The following DMD variants were observed in gnomAD, a reference collection of about 807,000 sequenced individuals.
DMD encodes the protein dystrophin, also known as mutant dystrophin.
A neutral mutation model predicts 330.1 loss-of-function variants in DMD; 63 were observed. The ratio of observed to expected loss-of-function variants is 0.19; its 90% CI spans 0.16 to 0.24. The LOEUF is 0.24. Ranked by LOEUF, DMD falls within the 10% of genes least tolerant of loss-of-function variation. The pLI is 1.00. For missense variants in DMD, 3,344 were observed against 2,684.1 expected, an observed-to-expected ratio of 1.25 and a Z score of -5.43; for synonymous variants, 1,223 against 959.8, an observed-to-expected ratio of 1.27 and a Z score of -5.07.
intron 77 of DMD, among the ~76,000 whole-genome samples, chrX:31,129,719 C>T (rs1303253914): frequency 2.7e-5 from 3 of 111,842 alleles, no homozygotes; most frequent in Non-Finnish European, 5.6e-5. Flanking sequence ...GTTTGCTAGT[C>T]CTGGATTAAA....
intron 47 of DMD, 149 bp from the exon 48 acceptor site, chrX:31,875,522 A>G: frequency 2.1e-6 from 1 of 477,640 alleles, no homozygotes; most frequent in South Asian, 3.7e-5. Flanking sequence ...TTGATTATTT[A>G]CATATATTAC....
intron 37 of DMD, among the ~76,000 whole-genome samples, chrX:32,352,735 G>A (rs2097786047): frequency 9.0e-6 from 1 of 111,031 alleles, no homozygotes; most frequent in South Asian, 3.7e-4. Flanking sequence ...CTTGCATTAT[G>A]TGTTCTGAGT....
chrX:32,628,244 G>A (rs2058483312), intron 11 of DMD, among the ~76,000 whole-genome samples: 1 of 58,117 alleles, frequency 1.7e-5, no homozygotes, highest in African/African-American at 7.0e-5. Context: ...ATCTCCATGA[G>A]TTCAGTTGTT....
At chrX:32,625,183 A>T (rs1223716220) in intron 11 of DMD, among the ~76,000 whole-genome samples, 2 of 111,557 alleles carry the variant, frequency 1.8e-5, no homozygotes, top group Non-Finnish European at 3.8e-5. Context: ...AAAACAAAAA[A>T]GAAAGAATGT....
At chrX:32,467,550 T>A (rs766131737) in intron 23 of DMD, among the ~76,000 whole-genome samples, 5 of 109,746 alleles carry the variant, frequency 4.6e-5, no homozygotes, top group Non-Finnish European at 7.6e-5. Flanking sequence ...AACATTAATA[T>A]ACATATACAA....
chrX:31,230,364 G>C (rs141706729), intron 63 of DMD, among the ~76,000 whole-genome samples: 1 of 111,838 alleles, frequency 8.9e-6, no homozygotes, highest in East Asian at 2.8e-4. Context: ...AAATGAAGGA[G>C]AGGGCCAGGT....
intron 62 of DMD, among the ~76,000 whole-genome samples, chrX:31,270,113 T>C (rs192459262): frequency 9.0e-6 from 1 of 111,514 alleles, no homozygotes; most frequent in African/African-American, 3.3e-5. Context: ...AGTCCTTTCC[T>C]ACAGCAATAG....
chrX:32,599,866 A>G (rs1013045404), intron 12 of DMD, among the ~76,000 whole-genome samples: 3 of 111,981 alleles, frequency 2.7e-5, no homozygotes, highest in African/African-American at 9.7e-5. Flanking sequence ...CCATTATTAG[A>G]TACAAATGTT....
chrX:31,134,797 A>G (rs983076361), intron 76 of DMD, among the ~76,000 whole-genome samples: 10 of 112,533 alleles, frequency 8.9e-5, no homozygotes, highest in Non-Finnish European at 1.7e-4. Flanking sequence ...ACATGAGATA[A>G]TGAATACTCT....
chrX:32,500,666 A>G (rs1414235408), intron 19 of DMD, among the ~76,000 whole-genome samples: 1 of 112,027 alleles, frequency 8.9e-6, no homozygotes, highest in East Asian at 2.8e-4. Context: ...ATTACCAAGC[A>G]ACATACATCT....
chrX:33,075,216 C>T (rs892251149), intron 1 of DMD, among the ~76,000 whole-genome samples: 5 of 111,602 alleles, frequency 4.5e-5, no homozygotes, highest in Non-Finnish European at 7.5e-5. Context: ...CTCCTGTGGC[C>T]CCGCCCAGAA....
At chrX:31,380,754 A>G (rs142384393) in intron 60 of DMD, among the ~76,000 whole-genome samples, 7,842 of 110,015 alleles carry the variant, frequency 0.071, 258 homozygotes, top group South Asian at 0.17. Context: ...GATCTCAAAC[A>G]TGCTTTCTTC....
At chrX:32,695,645 G>C (rs1020736845) in intron 9 of DMD, among the ~76,000 whole-genome samples, 1 of 111,573 alleles carries the variant, frequency 9.0e-6, no homozygotes, top group African/African-American at 3.3e-5. Flanking sequence ...CATACAAAGA[G>C]TTGAAAATTA....
intron 1 of DMD, among the ~76,000 whole-genome samples, chrX:33,246,799 C>T (rs2052670354): frequency 9.0e-6 from 1 of 110,525 alleles, no homozygotes; most frequent in African/African-American, 3.3e-5. Context: ...GACTCTCCTG[C>T]CTCAGCCTCC....
chrX:32,471,028 G>A (rs960799361), intron 22 of DMD, among the ~76,000 whole-genome samples: 24 of 111,827 alleles, frequency 2.1e-4, no homozygotes, highest in African/African-American at 7.8e-4. Flanking sequence ...TGTAATCCCA[G>A]CACTTTGGGA....
chrX:33,115,409 G>A (rs2095373901), intron 1 of DMD, among the ~76,000 whole-genome samples: 1 of 110,978 alleles, frequency 9.0e-6, no homozygotes, highest in Admixed American at 9.6e-5. Context: ...TGTAATGGGG[G>A]GATCTCCTAA....
intron 57 of DMD, among the ~76,000 whole-genome samples, chrX:31,495,291 C>T (rs946190473): frequency 4.5e-5 from 5 of 111,286 alleles, no homozygotes; most frequent in Non-Finnish European, 7.5e-5. Flanking sequence ...CCACAGAGAT[C>T]TTTCCTTTAC....
rs150279340 is a variant in DMD, at chrX:32,503,333, C to T, written c.2293-1491G>A. Among the ~76,000 whole-genome samples the T allele has an allele frequency of 2.6e-4, 29 of 111,944 alleles. No individual in the cohort carries two copies. The East Asian group carries it at 7.7e-3, about 30-fold the overall frequency. Reference sequence around the variant, plus strand: ...GCACAGTAGTCTGAGTAGGCTGCAACGAACTATCATTGCGCCACTGTACTC... The same window carrying T: ...GCACAGTAGTCTGAGTAGGCTGCAATGAACTATCATTGCGCCACTGTACTC... On this transcript the variant is annotated intron_variant, in intron 18 of 78. Transcript: ENST00000357033.
At chrX:32,438,945 A>G (rs1367758134) in intron 28 of DMD, among the ~76,000 whole-genome samples, 4 of 111,542 alleles carry the variant, frequency 3.6e-5, no homozygotes, top group African/African-American at 1.3e-4. Flanking sequence ...TCCCTTCACT[A>G]TTCTTTTCGT....
Sources: gnomAD v4.1 joint callset for allele counts (sites outside exome capture counted in the v4.1 genomes callset) on GRCh38, gnomAD v4.1.1 for gene constraint, MANE v1.5 for transcripts, NCBI Gene and HGNC (gene_info 2026-07-23, HGNC 2026-07-21) for gene names.